The following HYAL4 variants were observed in gnomAD, a reference collection of about 807,000 sequenced individuals.
HYAL4 encodes the protein hyaluronidase-4.
Under a neutral mutation model 35.2 loss-of-function variants are expected in HYAL4, and 37 were observed. The ratio of observed to expected loss-of-function variants is 1.05; its 90% confidence interval spans 0.81 to 1.38. The LOEUF (loss-of-function observed/expected upper bound fraction) is 1.38. HYAL4 is among the 40% of genes most tolerant of loss of function. The pLI is 0.00. For missense variants in HYAL4, 572 were observed against 572.4 expected (o/e 1.00, Z 0.01); for synonymous variants, 198 against 203.2 (o/e 0.97, Z 0.22).
At chr7:123,764,438 C>T in the HYAL4 span, among the ~76,000 whole-genome samples, 1 of 152,204 alleles carries the variant, frequency 6.6e-6, no homozygotes, top group Non-Finnish European at 1.5e-5. Context: ...CCTCATTTGA[C>T]TCTAAGGAGA....
intron 4 of HYAL4, 32 bp downstream of exon 4, chr7:123,874,882 T>G (rs1418073332): frequency 4.1e-6 from 5 of 1,227,404 alleles, no homozygotes; most frequent in Non-Finnish European, 6.0e-6. Flanking sequence ...ATATTTAATG[T>G]TTTCTATTAA....
chr7:123,864,674 G>A (rs1211834681), intron 2 of HYAL4, among the ~76,000 whole-genome samples: 1 of 151,506 alleles, frequency 6.6e-6, no homozygotes, highest in Non-Finnish European at 1.5e-5. Flanking sequence ...AAGCTCTGAA[G>A]CAAAGGGCAC....
chr7:123,779,945 T>C, the HYAL4 span, among the ~76,000 whole-genome samples: 3 of 152,162 alleles, frequency 2.0e-5, no homozygotes, highest in African/African-American at 7.2e-5. Flanking sequence ...AAAACTATCA[T>C]ACAATGACAA....
chr7:123,834,508 G>A (rs1805931853), intron 1 of HYAL4, among the ~76,000 whole-genome samples: 1 of 152,056 alleles, frequency 6.6e-6, no homozygotes. Context: ...GGTTTTCTAG[G>A]CATGCAGTCA....
intron 2 of HYAL4, among the ~76,000 whole-genome samples, chr7:123,857,275 GC>G (rs1320059059): frequency 6.6e-6 from 1 of 152,114 alleles, no homozygotes; most frequent in Non-Finnish European, 1.5e-5. Context: ...TGAAATGGCT[GC>G]CAGTTTTGTG....
the HYAL4 span, among the ~76,000 whole-genome samples, chr7:123,779,650 T>C: frequency 1.3e-5 from 2 of 152,066 alleles, no homozygotes; most frequent in Non-Finnish European, 2.9e-5. Flanking sequence ...GTTTGAACAT[T>C]TTCAAAATAA....
At chr7:123,832,496 T>C (rs1257870478) in intron 1 of HYAL4, among the ~76,000 whole-genome samples, 1 of 101,134 alleles carries the variant, frequency 9.9e-6, no homozygotes, top group African/African-American at 4.2e-5. Flanking sequence ...TTTTTTTTTT[T>C]TTTTTTTTTT....
intron 2 of HYAL4, among the ~76,000 whole-genome samples, chr7:123,857,733 C>CTTTCTTTCTTTA (rs1198587826): frequency 3.0e-4 from 44 of 144,286 alleles, no homozygotes; most frequent in African/African-American, 1.1e-3. Flanking sequence ...TTCTTTCTTT[C>CTTTCTTTCTTTA]AATAGAAACA....
chr7:123,854,057 G>A (rs1806374549), intron 2 of HYAL4, among the ~76,000 whole-genome samples: 1 of 152,068 alleles, frequency 6.6e-6, no homozygotes, highest in Non-Finnish European at 1.5e-5. Context: ...GTATTTCTGT[G>A]GGATCAGTGG....
At chr7:123,797,419 G>A in the HYAL4 span, among the ~76,000 whole-genome samples, 1 of 152,264 alleles carries the variant, frequency 6.6e-6, no homozygotes, top group South Asian at 2.1e-4. Flanking sequence ...AAACTTAATT[G>A]CTCAAGGAAG....
At chr7:123,787,123 A>AG in the HYAL4 span, among the ~76,000 whole-genome samples, 2 of 148,840 alleles carry the variant, frequency 1.3e-5, no homozygotes, top group African/African-American at 4.9e-5. Flanking sequence ...AAAAAAAAAA[A>AG]AAAAGAAAAA....
At chr7:123,819,731 C>T in the HYAL4 span, among the ~76,000 whole-genome samples, 1 of 151,916 alleles carries the variant, frequency 6.6e-6, no homozygotes, top group Non-Finnish European at 1.5e-5. Flanking sequence ...GCTTCTCCAT[C>T]TAAAAAATTA....
At chr7:123,813,277 T>G in the HYAL4 span, among the ~76,000 whole-genome samples, 3 of 152,208 alleles carry the variant, frequency 2.0e-5, no homozygotes, top group Non-Finnish European at 4.4e-5. Context: ...GAAACCATAT[T>G]GCTTTCAGGA....
the HYAL4 span, among the ~76,000 whole-genome samples, chr7:123,776,065 T>C: frequency 1.4e-4 from 21 of 152,358 alleles, no homozygotes; most frequent in African/African-American, 4.8e-4. Context: ...TTTCAATTTA[T>C]ATAAAAGTTT....
the HYAL4 span, among the ~76,000 whole-genome samples, chr7:123,770,544 A>G: frequency 6.6e-6 from 1 of 151,874 alleles, no homozygotes; most frequent in Admixed American, 6.6e-5. Context: ...GTCAGGGTGG[A>G]GGTTTCTAGC....
chr7:123,787,436 C>T, the HYAL4 span, among the ~76,000 whole-genome samples: 2 of 152,118 alleles, frequency 1.3e-5, no homozygotes, highest in Non-Finnish European at 2.9e-5. Flanking sequence ...GGTAGGCTGC[C>T]CTGCTTCTTG....
the HYAL4 span, among the ~76,000 whole-genome samples, chr7:123,772,599 G>A: frequency 6.6e-6 from 1 of 152,178 alleles, no homozygotes; most frequent in African/African-American, 2.4e-5. Context: ...GTAGCAATGA[G>A]TAAGTAGGCA....
chr7:123,775,501 A>G, the HYAL4 span, among the ~76,000 whole-genome samples: 2 of 152,122 alleles, frequency 1.3e-5, no homozygotes, highest in East Asian at 3.9e-4. Context: ...TACTAAAGCT[A>G]TATATATTGA....
intron 2 of HYAL4, among the ~76,000 whole-genome samples, chr7:123,858,501 G>C (rs1258992662): frequency 6.6e-6 from 1 of 152,082 alleles, no homozygotes; most frequent in Non-Finnish European, 1.5e-5. Context: ...GTCTAGGTTA[G>C]AAGATCTGTC....
Sources: gnomAD v4.1 joint callset for allele counts (sites outside exome capture counted in the v4.1 genomes callset) on GRCh38, gnomAD v4.1.1 for gene constraint, MANE v1.5 for transcripts, NCBI Gene and HGNC (gene_info 2026-07-23, HGNC 2026-07-21) for gene names.